CCNY: variants seen among roughly 807,000 people sequenced by gnomAD.
The protein encoded by CCNY is cyclin-Y.
A neutral mutation model predicts 42.8 loss-of-function variants in CCNY; 19 were observed. The ratio of observed to expected loss-of-function variants is 0.44; its 90% CI spans 0.31 to 0.65. The LOEUF is 0.65. Ranked by LOEUF, CCNY falls within the 30% of genes least tolerant of loss-of-function variation. The probability of loss-of-function intolerance (pLI) is 0.07; values close to 1 mark genes in which losing one functional copy is unlikely to be tolerated. For synonymous variants in CCNY, 165 were observed against 162.7 expected, an observed-to-expected ratio of 1.01 and a Z score of -0.11; for missense variants, 370 against 437.3, an observed-to-expected ratio of 0.85 and a Z score of 1.37.
rs554592857 is a variant in CCNY at position 35,550,543 on chromosome 10, C to T, written c.580-2476C>T. Among the ~76,000 whole-genome samples the T allele has an allele frequency of 8.5e-5, 13 of 152,178 alleles. No homozygotes were observed. The South Asian group carries it at 2.7e-3, about 32-fold the overall frequency. ...TCTCTCCCTGGCCTCCCTGCTGAAT[C>T]CCCCATGCCTGCTGCTTCTCCTGCC... is the stretch of plus-strand genomic sequence containing the variant. On this transcript the variant is annotated intron_variant, in intron 7 of 9. Transcript: ENST00000374704.
intron 9 of CCNY, among the ~76,000 whole-genome samples, chr10:35,568,629 T>C (rs1214212920): frequency 6.6e-6 from 1 of 152,190 alleles, no homozygotes; most frequent in Non-Finnish European, 1.5e-5. Context: ...AGCTCTCCTC[T>C]CTGTGAGGCT....
At chr10:35,487,015 C>T (rs1256203262) in intron 2 of CCNY, among the ~76,000 whole-genome samples, 1 of 152,148 alleles carries the variant, frequency 6.6e-6, no homozygotes, top group African/African-American at 2.4e-5. Flanking sequence ...CTTTGCCACC[C>T]GCTAGCCCCT....
chr10:35,502,593 TAC>T (rs976554491), intron 3 of CCNY, among the ~76,000 whole-genome samples: 17 of 152,198 alleles, frequency 1.1e-4, no homozygotes, highest in African/African-American at 3.9e-4. Flanking sequence ...TATGCACATA[TAC>T]AGTTTTCTAG....
chr10:35,508,054 T>C (rs919500584), intron 3 of CCNY, among the ~76,000 whole-genome samples: 2 of 152,212 alleles, frequency 1.3e-5, no homozygotes, highest in East Asian at 3.8e-4. Context: ...GGGCAGGTAC[T>C]TTAAAACCAT....
Position 35,530,340 on chromosome 10 carries a change from C to T in CCNY, c.579+97C>T. The T allele has an allele frequency of 6.8e-7, 1 of 1,476,002 alleles. No homozygotes were observed. The highest frequency in any genetic ancestry group is 9.3e-7 in the Non-Finnish European group (1 of 1,075,068). 91.4% of individuals were successfully genotyped at this position (1,476,002 alleles called of 1,614,324 possible). A position where few individuals can be genotyped will look rare whatever the true frequency, so the allele number is the denominator to read the frequency against. On this transcript the variant is annotated intron_variant, in intron 7 of 9. Transcript: ENST00000374704. The surrounding 1 kb of genome is among the most constrained non-coding windows in gnomAD (Gnocchi z 4.3). ...GAGTGAGGTTGGAGCAGGGAATCCT[C>T]ACCAGGTTACCCTGTGGACACCGTG...
chr10:35,358,754 G>C (rs529105687), intron 1 of CCNY, among the ~76,000 whole-genome samples: 110 of 152,362 alleles, frequency 7.2e-4, no homozygotes, highest in African/African-American at 2.5e-3. Flanking sequence ...AGCATACCAA[G>C]AAGGGTGACA....
rs148144869 is a variant in CCNY at position 35,375,994 on chromosome 10, G to A, written c.154+38787G>A. ...GGACTGCTCATACCTGGGGTGGGCT[G>A]GGTGCAGTAAAGTCATTCCCTGTAC... On this transcript the variant is annotated intron_variant, in intron 1 of 9. Transcript: ENST00000374704. 3.5e-3 allele frequency among the ~76,000 whole-genome samples: 534 copies of A among 152,302 alleles called. 5 individuals are homozygous for A. Among genetic ancestry groups the A allele is most frequent in the African/African-American group, 0.013 (522 of 41,554 alleles).
intron 1 of CCNY, among the ~76,000 whole-genome samples, chr10:35,433,655 A>AG (rs1272937060): frequency 6.6e-6 from 1 of 152,238 alleles, no homozygotes; most frequent in Non-Finnish European, 1.5e-5. Context: ...CTTGTCACCC[A>AG]GGCTGGAGTA....
At chr10:35,440,720 G>A (rs1255431031) in intron 1 of CCNY, among the ~76,000 whole-genome samples, 1 of 152,200 alleles carries the variant, frequency 6.6e-6, no homozygotes, top group African/African-American at 2.4e-5. Context: ...CAGAAAGGAC[G>A]GAGCCTAGAG....
intron 1 of CCNY, among the ~76,000 whole-genome samples, chr10:35,399,062 T>C (rs1192891095): frequency 6.6e-6 from 1 of 152,230 alleles, no homozygotes. Flanking sequence ...TCCAAGCAAA[T>C]GTACAAATGA....
chr10:35,404,159 G>A (rs1402281958), intron 1 of CCNY, among the ~76,000 whole-genome samples: 1 of 152,238 alleles, frequency 6.6e-6, no homozygotes, highest in Non-Finnish European at 1.5e-5. Context: ...TAGAGAGTGA[G>A]ATGAGCATAG....
At chr10:35,419,564 T>G (rs1838112684) in intron 1 of CCNY, among the ~76,000 whole-genome samples, 5 of 151,626 alleles carry the variant, frequency 3.3e-5, no homozygotes, top group Admixed American at 3.3e-4. Flanking sequence ...TCTGGAGGAT[T>G]TTTAAGGTGA....
intron 3 of CCNY, among the ~76,000 whole-genome samples, chr10:35,260,151 C>T (rs1173466885): frequency 6.6e-6 from 1 of 152,124 alleles, no homozygotes; most frequent in South Asian, 2.1e-4. Flanking sequence ...TCCTCTCCCC[C>T]ATGCCTCTTG....
intron 1 of CCNY, among the ~76,000 whole-genome samples, chr10:35,465,938 A>AGAGAGAGAGAGAGAGAGT: frequency 3.1e-4 from 25 of 81,024 alleles, no homozygotes; most frequent in African/African-American, 7.0e-4. Flanking sequence ...AGAGAGAGAG[A>AGAGAGAGAGAGAGAGAGT]GTGTGTGTGT....
chr10:35,529,968 A>G lies in CCNY; in HGVS notation c.402-5A>G. 6.2e-7 allele frequency: 1 copy of G among 1,611,874 alleles called. No homozygotes were observed. The highest frequency in any genetic ancestry group is 8.5e-7 in the Non-Finnish European group (1 of 1,178,094). On this transcript the variant is annotated splice_region_variant and splice_polypyrimidine_tract_variant and intron_variant, in intron 5 of 9. Coordinates refer to ENST00000374704, the MANE Select transcript of CCNY (RefSeq NM_145012.6). ...AGTTTCATTTTCTATTATTTTCCCT[A>G]CCAGGGACCCAGATGGAAGGATGCT...
chr10:35,313,624 C>CA (rs1835715753), intron 3 of CCNY, among the ~76,000 whole-genome samples: 1 of 152,202 alleles, frequency 6.6e-6, no homozygotes, highest in Admixed American at 6.5e-5. Flanking sequence ...CCAGTCAACT[C>CA]AGAGTAGGGA....
intron 1 of CCNY, among the ~76,000 whole-genome samples, chr10:35,426,109 G>GCACACACACACACA (rs1341818857): frequency 9.0e-6 from 1 of 111,678 alleles, no homozygotes; most frequent in Non-Finnish European, 1.8e-5. Context: ...GGTCCAGCAC[G>GCACACACACACACA]CGCACACACA....
At chr10:35,305,860 C>T (rs903469466) in intron 3 of CCNY, among the ~76,000 whole-genome samples, 1 of 152,140 alleles carries the variant, frequency 6.6e-6, no homozygotes, top group Non-Finnish European at 1.5e-5. Flanking sequence ...TGCTGCCAGT[C>T]TGACCCCTTG....
intron 1 of CCNY, among the ~76,000 whole-genome samples, chr10:35,247,673 G>A (rs1302227910): frequency 1.3e-5 from 2 of 151,500 alleles, no homozygotes; most frequent in South Asian, 2.1e-4. Context: ...TCAGGAGATC[G>A]AGACCATCCT....
Sources: allele counts gnomAD v4.1 joint callset (sites outside exome capture counted in the v4.1 genomes callset), GRCh38; gene constraint gnomAD v4.1.1; non-coding constraint Gnocchi (gnomAD v3.1); transcripts MANE v1.5; gene names NCBI Gene and HGNC (gene_info 2026-07-23, HGNC 2026-07-21).